PHF21B: variants seen among roughly 807,000 people sequenced by gnomAD.
PHF21B encodes PHD finger protein 4.
Under a neutral mutation model 62.2 loss-of-function variants are expected in PHF21B, and 22 were observed. The ratio of observed to expected loss-of-function variants is 0.35; its 90% CI spans 0.25 to 0.51. The LOEUF (loss-of-function observed/expected upper bound fraction) is 0.51. Ranked by LOEUF, PHF21B falls within the 20% of genes least tolerant of loss-of-function variation. PHF21B has a pLI of 0.97. For missense variants in PHF21B, 701 were observed against 707.9 expected (o/e 0.99, Z 0.11); for synonymous variants, 341 against 314.7 (o/e 1.08, Z -0.88).
chr22:44,889,452 G>C (rs1191417314), intron 9 of PHF21B, among the ~76,000 whole-genome samples: 6 of 152,224 alleles, frequency 3.9e-5, no homozygotes, highest in Non-Finnish European at 7.3e-5. Context: ...AGGCCTTTGG[G>C]CACCAGCTGG....
intron 5 of PHF21B, among the ~76,000 whole-genome samples, chr22:44,904,504 G>GGGTATAAAAT (rs1555934857): frequency 6.9e-6 from 1 of 144,174 alleles, no homozygotes; most frequent in Non-Finnish European, 1.5e-5. Context: ...CAACTTAACT[G>GGGTATAAAAT]AGCTTCCAGA....
At chr22:44,937,253 C>A (rs1283995811) in intron 2 of PHF21B, among the ~76,000 whole-genome samples, 1 of 152,170 alleles carries the variant, frequency 6.6e-6, no homozygotes, top group Non-Finnish European at 1.5e-5. Flanking sequence ...AAATAAAAAT[C>A]CTATTCATCC....
At chr22:44,891,986 C>T (rs913614186) in intron 7 of PHF21B, among the ~76,000 whole-genome samples, 6 of 152,120 alleles carry the variant, frequency 3.9e-5, no homozygotes, top group African/African-American at 1.2e-4. Flanking sequence ...GGGAAGGGCC[C>T]CCTCGGGCTG....
intron 3 of PHF21B, among the ~76,000 whole-genome samples, chr22:44,918,437 C>G (rs549467595): frequency 6.6e-6 from 1 of 152,382 alleles, no homozygotes; most frequent in South Asian, 2.1e-4. Flanking sequence ...AGCCACCCCA[C>G]AGAGAACACC....
Position 45,009,680 on chromosome 22 carries a change from C to T in PHF21B, c.-131G>A. 1 of 839,336 alleles carries T rather than the reference C, an allele frequency of 1.2e-6. No individual in the cohort carries two copies. The highest frequency in any genetic ancestry group is 1.8e-5 in the African/African-American group (1 of 54,698). 52.0% of individuals were successfully genotyped at this position (839,336 alleles called of 1,614,324 possible). A position where few individuals can be genotyped will look rare whatever the true frequency, so the allele number is the denominator to read the frequency against. On this transcript the variant is annotated 5_prime_UTR_variant, in exon 1 of 13. Coordinates refer to ENST00000313237, the MANE Select transcript of PHF21B (RefSeq NM_138415.5). This position sits in a 1 kb window ranked among gnomAD's most constrained non-coding sequence, Gnocchi z 5.9. ...CTGGGTTGGGGGGGACACGAGCCCCCTCCCCCACGGCCGAAAGGGAAGGGG... is the reference window on the plus strand; with the variant it reads ...CTGGGTTGGGGGGGACACGAGCCCCTTCCCCCACGGCCGAAAGGGAAGGGG...
chr22:44,891,018 G>T (rs1286504831), intron 8 of PHF21B, among the ~76,000 whole-genome samples: 1 of 152,248 alleles, frequency 6.6e-6, no homozygotes, highest in African/African-American at 2.4e-5. Flanking sequence ...TATGGAAGCA[G>T]CAGCACCTGG....
chr22:44,939,038 T>C (rs1053666226), intron 2 of PHF21B, among the ~76,000 whole-genome samples: 3 of 152,218 alleles, frequency 2.0e-5, no homozygotes, highest in African/African-American at 7.2e-5. Context: ...CTCCAGTGCG[T>C]GAGCTCAGAG....
intron 2 of PHF21B, among the ~76,000 whole-genome samples, chr22:44,999,915 T>C (rs112238332): frequency 0.013 from 1,919 of 152,192 alleles, 20 homozygotes; most frequent in Non-Finnish European, 0.018. Context: ...GGGTGAGAAC[T>C]TCCTGTGGGC....
In PHF21B at chr22:44,933,716, AAG is replaced by A. The variant is rs752277912; in HGVS notation, c.121-13228_121-13227del. Reference sequence around the variant, plus strand: ...AGTATCTGGAGCTCTTCGTGCAGATAAGAGAGAGAGAGAGAGAGAGACAGACA... The same window carrying A: ...AGTATCTGGAGCTCTTCGTGCAGATAAGAGAGAGAGAGAGAGAGACAGACA... On this transcript the variant is annotated intron_variant, in intron 2 of 12. Transcript: ENST00000313237. 9.1e-3 allele frequency among the ~76,000 whole-genome samples: 1,344 copies of A among 148,024 alleles called. 6 individuals are homozygous for A. Among genetic ancestry groups the A allele is most frequent in the Middle Eastern group, 0.024 (7 of 292 alleles).
Position 44,913,966 on chromosome 22 carries a change from G to C in PHF21B, c.687C>G (p.Phe229Leu). ...SLSPSPLHGI[F>L]QVIIIQPQVQ... ...CTTGAGGCTGAATGATGATGACCTG[G>C]AAGATGCCATGGAGGGGTGAAGGGG... is the stretch of plus-strand genomic sequence containing the variant. Residue 229 changes from phenylalanine to leucine, a missense_variant, in exon 5 of 13, where the codon TTC (phenylalanine) becomes TTG (leucine). Coordinates refer to ENST00000313237, the MANE Select transcript of PHF21B (RefSeq NM_138415.5). The C allele has an allele frequency of 2.8e-6, 4 of 1,446,498 alleles. No individual in the cohort carries two copies. The highest frequency in any genetic ancestry group is 3.7e-6 in the Non-Finnish European group (4 of 1,074,184). 89.6% of individuals were successfully genotyped at this position (1,446,498 alleles called of 1,614,324 possible).
chr22:44,946,643 G>A (rs1038168509), intron 2 of PHF21B, among the ~76,000 whole-genome samples: 1 of 152,122 alleles, frequency 6.6e-6, no homozygotes, highest in East Asian at 1.9e-4. Context: ...GGATGGATGG[G>A]TGGATGGACG....
At chr22:44,982,111 C>T (rs1295974600) in intron 2 of PHF21B, among the ~76,000 whole-genome samples, 2 of 152,216 alleles carry the variant, frequency 1.3e-5, no homozygotes, top group African/African-American at 4.8e-5. Context: ...CACACAGGTT[C>T]TCTCCTGGTT....
At chr22:44,961,047 C>A (rs1030087639) in intron 2 of PHF21B, among the ~76,000 whole-genome samples, 22 of 147,282 alleles carry the variant, frequency 1.5e-4, no homozygotes, top group African/African-American at 5.5e-4. Flanking sequence ...ACTTCTGACT[C>A]CCTGGTTCAA....
intron 2 of PHF21B, among the ~76,000 whole-genome samples, chr22:44,957,814 A>C (rs771497774): frequency 3.3e-5 from 5 of 152,146 alleles, no homozygotes; most frequent in Non-Finnish European, 7.3e-5. Context: ...CTTTCTGAGA[A>C]AGGCGACGCA....
chr22:44,936,693 T>C (rs954864940), intron 2 of PHF21B, among the ~76,000 whole-genome samples: 26 of 152,218 alleles, frequency 1.7e-4, no homozygotes, highest in African/African-American at 5.8e-4. Context: ...AAAATAATTA[T>C]TAAAATGATT....
chr22:44,957,228 A>G (rs8137390), intron 2 of PHF21B, among the ~76,000 whole-genome samples: 43,216 of 152,198 alleles, frequency 0.28, 7,987 homozygotes, highest in African/African-American at 0.52. Context: ...ACAGTTGCAC[A>G]GTGCTCACCC....
intron 2 of PHF21B, among the ~76,000 whole-genome samples, chr22:44,989,951 A>G: frequency 6.6e-6 from 1 of 152,224 alleles, no homozygotes. Context: ...ACGCCAATGC[A>G]AATCTCTAAC....
At chr22:44,969,762 T>G (rs752935328) in intron 2 of PHF21B, among the ~76,000 whole-genome samples, 1 of 152,188 alleles carries the variant, frequency 6.6e-6, no homozygotes, top group Non-Finnish European at 1.5e-5. Flanking sequence ...GCATATGACA[T>G]GCATGGCTGA....
At chr22:44,931,564 T>A (rs939324248) in intron 2 of PHF21B, among the ~76,000 whole-genome samples, 2 of 148,944 alleles carry the variant, frequency 1.3e-5, no homozygotes, top group Admixed American at 6.8e-5. Context: ...GTTGAAAGGA[T>A]GTAATTTTAT....
Sources: gnomAD v4.1 joint callset for allele counts (sites outside exome capture counted in the v4.1 genomes callset) on GRCh38, gnomAD v4.1.1 for gene constraint, Gnocchi (gnomAD v3.1) non-coding constraint, MANE v1.5 for transcripts, NCBI Gene and HGNC (gene_info 2026-07-23, HGNC 2026-07-21) for gene names.